ANAPC7: variants seen among roughly 807,000 people sequenced by gnomAD.
The protein encoded by ANAPC7 is anaphase promoting complex subunit 7.
Under a neutral mutation model 63.3 loss-of-function variants are expected in ANAPC7, and 25 were observed. The ratio of observed to expected loss-of-function variants is 0.39; its 90% CI spans 0.29 to 0.55. The LOEUF (loss-of-function observed/expected upper bound fraction) is 0.55, where lower values mean the gene tolerates loss of function less well. Among genes scored for constraint, ANAPC7 ranks in the 20% least tolerant of loss-of-function variants. ANAPC7 has a pLI of 0.57. For missense variants in ANAPC7, 516 were observed against 691.7 expected (o/e 0.75, Z 2.85); for synonymous variants, 241 against 251.7 (o/e 0.96, Z 0.40).
chr12:110,403,376 T>C (rs2062261520), intron 1 of ANAPC7, 151 bp downstream of exon 1: 1 of 827,928 alleles, frequency 1.2e-6, no homozygotes, highest in South Asian at 1.8e-5. Context: ...CTCCGAAGTC[T>C]GCTCCGCTCC....
intron 3 of ANAPC7, among the ~76,000 whole-genome samples, chr12:110,394,367 C>T (rs1883373608): frequency 6.6e-6 from 1 of 151,844 alleles, no homozygotes; most frequent in African/African-American, 2.4e-5. Flanking sequence ...TGGCTCCCGC[C>T]TGTAATCCCA....
Position 110,401,481 on chromosome 12 carries a change from T to C in ANAPC7, c.101+2046A>G, listed in dbSNP as rs768849261. 6.6e-6 allele frequency among the ~76,000 whole-genome samples: 1 copy of C among 152,084 alleles called. No individual in the cohort carries two copies. Among genetic ancestry groups the C allele is most frequent in the South Asian group, 2.1e-4 (1 of 4,804 alleles). ...GTCCTGGGAGTCAGAGAAGGCTCTT[T>C]AGGAGAGATATCCAGGCTAAAACCT... On this transcript the variant is annotated intron_variant, in intron 1 of 10. Transcript: ENST00000455511.
intron 10 of ANAPC7, among the ~76,000 whole-genome samples, chr12:110,374,810 C>T (rs1881106551): frequency 1.3e-5 from 2 of 152,142 alleles, no homozygotes; most frequent in Admixed American, 6.6e-5. Flanking sequence ...AAAAACATCA[C>T]GCTGTACCAT....
chr12:110,382,470 ATATATATATATATATATATATATATT>A (rs1416441626), intron 7 of ANAPC7, among the ~76,000 whole-genome samples: 3 of 123,516 alleles, frequency 2.4e-5, no homozygotes, highest in African/African-American at 9.7e-5. Flanking sequence ...AAATATATAT[ATATATATATATATATATATATATATT>A]TATAGAGACA....
rs552611779 is a variant in ANAPC7 at position 110,373,148 on chromosome 12, CCA to C, written c.*994_*995del. On this transcript the variant is annotated 3_prime_UTR_variant, in exon 11 of 11. Coordinates refer to ENST00000455511, the MANE Select transcript of ANAPC7 (RefSeq NM_016238.3). ...AGGGTGTGGGAAGAAACTCCCAGCC[CCA>C]GAGCTCAGGGTGTGATACTCAGGCT... The C allele has an allele frequency of 3.0e-4, 45 of 152,224 alleles. No individual in the cohort carries two copies. Among genetic ancestry groups the C allele is most frequent in the African/African-American group, 9.9e-4 (41 of 41,520 alleles). The allele number at this position is 152,224 out of a possible 1,614,324, so 9.4% of individuals were successfully genotyped here. A position where few individuals can be genotyped will look rare whatever the true frequency, so the allele number is the denominator to read the frequency against.
chr12:110,378,049 C>A (rs560743775), intron 8 of ANAPC7: 85 of 204,938 alleles, frequency 4.1e-4, no homozygotes, highest in African/African-American at 1.8e-3. Context: ...CATTCGGTCA[C>A]CTGTAGGGCT....
At position 110,400,656 on chromosome 12, in the gene ANAPC7, G is replaced by A. The variant is rs1047804783; in HGVS notation, c.101+2871C>T. Among the ~76,000 whole-genome samples the A allele has an allele frequency of 4.6e-5, 7 of 152,230 alleles. No individual in the cohort carries two copies. The East Asian group carries it at 1.2e-3, about 25-fold the overall frequency. Reference sequence around the variant, plus strand: ...CAAATCACTCAGAACCAAGTGAAAGGCTCCAGCATAAACACATAAGGCTGA... The same window carrying A: ...CAAATCACTCAGAACCAAGTGAAAGACTCCAGCATAAACACATAAGGCTGA... On this transcript the variant is annotated intron_variant, in intron 1 of 10. Transcript: ENST00000455511.
intron 3 of ANAPC7, among the ~76,000 whole-genome samples, chr12:110,392,474 G>A (rs1020592138): frequency 2.6e-5 from 4 of 152,066 alleles, no homozygotes; most frequent in African/African-American, 7.2e-5. Flanking sequence ...CTTAGATTTC[G>A]TATCTTTTAA....
intron 7 of ANAPC7, among the ~76,000 whole-genome samples, chr12:110,382,588 T>G (rs1224063477): frequency 6.6e-6 from 1 of 150,616 alleles, no homozygotes; most frequent in East Asian, 1.9e-4. Flanking sequence ...TATTTATTTT[T>G]GAGACAAAAT....
intron 10 of ANAPC7, chr12:110,375,414 A>G: frequency 1.0e-6 from 1 of 985,312 alleles, no homozygotes; most frequent in Non-Finnish European, 1.2e-6. Flanking sequence ...TCTATTAAAG[A>G]CAGCCCTTCA....
intron 1 of ANAPC7, among the ~76,000 whole-genome samples, chr12:110,400,952 AG>A (rs1474711401): frequency 1.3e-5 from 2 of 151,808 alleles, no homozygotes; most frequent in Non-Finnish European, 2.9e-5. Flanking sequence ...CAGGAGGCTG[AG>A]GTGGGAGGAT....
At position 110,403,528 on chromosome 12, in the gene ANAPC7, G is replaced by A. The variant is rs1230623294; in HGVS notation, c.100C>T (p.Pro34Ser). The A allele has an allele frequency of 3.1e-6, 5 of 1,598,124 alleles. No individual in the cohort carries two copies. The highest frequency in any genetic ancestry group is 4.3e-6 in the Non-Finnish European group (5 of 1,173,274). Residue 34 changes from proline (P) to serine (S), a missense_variant and splice_region_variant, in exon 1 of 11, where the codon CCT becomes TCT. Coordinates refer to ENST00000455511, the MANE Select transcript of ANAPC7 (RefSeq NM_016238.3). ...SLLLTMSNNN[P>S]ELFSPPQKYQ... ...AGGCAGCTACCCGCCTCAACTCACG[G>A]GTTGTTATTACTCATTGTAAGTAAC...
chr12:110,400,222 C>G (rs1285789668), intron 1 of ANAPC7, among the ~76,000 whole-genome samples: 4 of 152,164 alleles, frequency 2.6e-5, no homozygotes, highest in Non-Finnish European at 5.9e-5. Flanking sequence ...ATTATTACAT[C>G]CACAGAAAGC....
intron 2 of ANAPC7, among the ~76,000 whole-genome samples, chr12:110,395,751 G>A (rs922783988): frequency 1.3e-5 from 2 of 152,096 alleles, no homozygotes; most frequent in African/African-American, 4.8e-5. Flanking sequence ...TGTTAGCCAG[G>A]ATGGTTTCAA....
At chr12:110,399,794 C>CAA (rs60764482) in intron 1 of ANAPC7, among the ~76,000 whole-genome samples, 15 of 60,688 alleles carry the variant, frequency 2.5e-4, no homozygotes, top group South Asian at 5.5e-4. Flanking sequence ...CTGTCTCAGA[C>CAA]AAAAAAAAAA....
chr12:110,381,058 C>CAA (rs202155296), intron 8 of ANAPC7, among the ~76,000 whole-genome samples: 5 of 98,484 alleles, frequency 5.1e-5, no homozygotes, highest in Admixed American at 2.1e-4. Context: ...GGTGGGAGGA[C>CAA]AAAAAAAAAA....
At chr12:110,400,008 T>C (rs893235034) in intron 1 of ANAPC7, among the ~76,000 whole-genome samples, 2 of 151,872 alleles carry the variant, frequency 1.3e-5, no homozygotes, top group African/African-American at 4.8e-5. Context: ...GGAGAACTGC[T>C]TGAACCCAGC....
intron 5 of ANAPC7, chr12:110,387,445 CA>C (rs372266566): frequency 0.081 from 5,308 of 65,922 alleles, 788 homozygotes; most frequent in African/African-American, 0.22. Flanking sequence ...GACCTTGTCT[CA>C]AAAAAAAAAA....
chr12:110,375,138 G>A (rs919268447), intron 10 of ANAPC7, among the ~76,000 whole-genome samples: 6 of 152,094 alleles, frequency 3.9e-5, no homozygotes, highest in Admixed American at 2.6e-4. Flanking sequence ...ATATAAATGC[G>A]GACCGATCTG....
Sources: gnomAD v4.1 joint callset for allele counts (sites outside exome capture counted in the v4.1 genomes callset) on GRCh38, gnomAD v4.1.1 for gene constraint, MANE v1.5 for transcripts, NCBI Gene and HGNC (gene_info 2026-07-23, HGNC 2026-07-21) for gene names.